Variants in FTO observed in about 807,000 individuals in gnomAD.
FTO encodes alpha-ketoglutarate-dependent dioxygenase FTO.
In FTO, 47 loss-of-function variants were observed where a neutral mutation model predicts 63.9. The observed-to-expected ratio is 0.74, with a 90% CI of 0.58 to 0.94. The LOEUF is 0.94. FTO is among the 40% of genes least tolerant of loss of function. FTO has a pLI of 0.00. For synonymous variants in FTO, 207 were observed against 224.4 expected, an observed-to-expected ratio of 0.92 and a Z score of 0.69; for missense variants, 562 against 618.1, an observed-to-expected ratio of 0.91 and a Z score of 0.96.
intron 8 of FTO, among the ~76,000 whole-genome samples, chr16:54,082,224 G>C (rs1464504709): frequency 6.6e-6 from 1 of 152,114 alleles, no homozygotes; most frequent in Non-Finnish European, 1.5e-5. Flanking sequence ...AAACTTTCCA[G>C]TTCCCTCCAA....
In FTO at chr16:53,934,847, G is replaced by A. The variant is rs556120343; in HGVS notation, c.1364+738G>A. ...GACCAAAACCTCAAAATGTTGTTAC[G>A]TGGCGATGACTGTAGCCTATTTATC... On this transcript the variant is annotated intron_variant, in intron 8 of 8. Coordinates refer to ENST00000471389, the MANE Select transcript of FTO (RefSeq NM_001080432.3). Among the ~76,000 whole-genome samples, 30 of 152,254 alleles carry A rather than the reference G, an allele frequency of 2.0e-4. No homozygotes were observed. The South Asian group carries it at 5.8e-3, about 29-fold the overall frequency.
chr16:53,952,663 C>G (rs1365184615), intron 8 of FTO, among the ~76,000 whole-genome samples: 4 of 152,280 alleles, frequency 2.6e-5, no homozygotes, highest in African/African-American at 9.6e-5. Flanking sequence ...GCAGAAGAGA[C>G]AGAGTTAACC....
chr16:54,018,423 TA>T (rs1207224044), intron 8 of FTO, among the ~76,000 whole-genome samples: 67 of 152,078 alleles, frequency 4.4e-4, no homozygotes, highest in Non-Finnish European at 6.6e-4. Flanking sequence ...CATACATACA[TA>T]CATACATACA....
chr16:53,992,623 G>C (rs2083837914), intron 8 of FTO: 1 of 152,042 alleles, frequency 6.6e-6, no homozygotes, highest in African/African-American at 2.4e-5. Context: ...TTCCCTCTCG[G>C]ATGAACAATT....
At chr16:54,028,441 G>A (rs967780983) in intron 8 of FTO, among the ~76,000 whole-genome samples, 1 of 152,134 alleles carries the variant, frequency 6.6e-6, no homozygotes, top group African/African-American at 2.4e-5. Context: ...GTTCCTTTTG[G>A]TCATTTTCAC....
At chr16:53,773,062 C>T (rs2077376556) in intron 1 of FTO, among the ~76,000 whole-genome samples, 1 of 149,086 alleles carries the variant, frequency 6.7e-6, no homozygotes, top group Non-Finnish European at 1.5e-5. Flanking sequence ...TGGGAAGCAG[C>T]TGATTACTTG....
At chr16:53,899,588 G>A (rs1365855433) in intron 7 of FTO, among the ~76,000 whole-genome samples, 1 of 152,150 alleles carries the variant, frequency 6.6e-6, no homozygotes, top group Non-Finnish European at 1.5e-5. Flanking sequence ...GATGATGGAA[G>A]GCATATTAAT....
intron 8 of FTO, among the ~76,000 whole-genome samples, chr16:53,953,626 T>C (rs1480960961): frequency 6.6e-6 from 1 of 152,222 alleles, no homozygotes; most frequent in Non-Finnish European, 1.5e-5. Flanking sequence ...TGTTACCATA[T>C]GTTTCCATAA....
At chr16:53,910,063 T>A (rs982635703) in intron 7 of FTO, among the ~76,000 whole-genome samples, 1 of 152,074 alleles carries the variant, frequency 6.6e-6, no homozygotes, top group African/African-American at 2.4e-5. Context: ...GGCTAATTTA[T>A]TATTTGTGGA....
chr16:53,808,238 T>G (rs899203349), intron 1 of FTO, among the ~76,000 whole-genome samples: 1 of 151,954 alleles, frequency 6.6e-6, no homozygotes, highest in African/African-American at 2.4e-5. Context: ...CGAGGCTGAG[T>G]TGGGAGAATC....
chr16:53,917,306 T>C (rs1041131393), intron 7 of FTO, among the ~76,000 whole-genome samples: 7 of 152,194 alleles, frequency 4.6e-5, no homozygotes, highest in African/African-American at 1.7e-4. Flanking sequence ...GTTTAGGAGG[T>C]AAGAGAGTGA....
intron 2 of FTO, among the ~76,000 whole-genome samples, chr16:53,816,145 A>G (rs1274074936): frequency 6.6e-6 from 1 of 152,066 alleles, no homozygotes; most frequent in Non-Finnish European, 1.5e-5. Flanking sequence ...CTACTCTTAA[A>G]GACTTTACTT....
intron 8 of FTO, among the ~76,000 whole-genome samples, chr16:54,050,931 C>G (rs2085297231): frequency 6.6e-6 from 1 of 152,138 alleles, no homozygotes; most frequent in Non-Finnish European, 1.5e-5. Context: ...CCAGAACAGA[C>G]AGTATGAAAA....
intron 4 of FTO, among the ~76,000 whole-genome samples, chr16:53,853,461 A>C (rs2079875464): frequency 6.6e-6 from 1 of 151,024 alleles, no homozygotes; most frequent in Non-Finnish European, 1.5e-5. Flanking sequence ...TTTTTCATCC[A>C]TCACCCCCCT....
chr16:53,882,962 C>T (rs1355949997), intron 6 of FTO, among the ~76,000 whole-genome samples: 2 of 152,102 alleles, frequency 1.3e-5, no homozygotes, highest in East Asian at 3.9e-4. Context: ...TTCATTGTGC[C>T]TGATGGGTGT....
intron 8 of FTO, chr16:54,070,534 G>GGAATCTTTAGAATCTTTA (rs2144447534): frequency 6.6e-6 from 1 of 152,182 alleles, no homozygotes; most frequent in South Asian, 2.1e-4. Flanking sequence ...AAACCTATCA[G>GGAATCTTTAGAATCTTTA]GAATCTTTAG....
intron 8 of FTO, among the ~76,000 whole-genome samples, chr16:54,063,238 A>C (rs2085630185): frequency 6.6e-6 from 1 of 152,230 alleles, no homozygotes; most frequent in Non-Finnish European, 1.5e-5. Context: ...TTATGAGAGC[A>C]AAATACTACT....
At chr16:53,937,766 T>G (rs757789989) in intron 8 of FTO, 3 of 152,340 alleles carry the variant, frequency 2.0e-5, no homozygotes, top group Non-Finnish European at 4.4e-5. Flanking sequence ...TGCAAGGAGC[T>G]GGAATGGATT....
chr16:53,774,504 G>T (rs978313392), intron 1 of FTO, among the ~76,000 whole-genome samples: 6 of 151,938 alleles, frequency 3.9e-5, no homozygotes, highest in Non-Finnish European at 2.9e-5. Flanking sequence ...CTGTGGCCTG[G>T]CTCTGTTTCT....
Sources: allele counts gnomAD v4.1 joint callset (sites outside exome capture counted in the v4.1 genomes callset), GRCh38; gene constraint gnomAD v4.1.1; transcripts MANE v1.5; gene names NCBI Gene and HGNC (gene_info 2026-07-23, HGNC 2026-07-21).